The following C14orf132 variants were observed in gnomAD, a reference collection of about 807,000 sequenced individuals.
C14orf132 encodes the protein uncharacterized protein C14orf132.
A neutral mutation model predicts 5.8 loss-of-function variants in C14orf132; 6 were observed. The observed-to-expected ratio is 1.03, with a 90% CI of 0.57 to 2.04. The LOEUF (loss-of-function observed/expected upper bound fraction) is 2.04, where lower values mean the gene tolerates loss of function less well. Among genes scored for constraint, C14orf132 ranks in the 30% most tolerant of loss-of-function variants. C14orf132 has a pLI of 0.00. For missense variants in C14orf132, 125 were observed against 115.8 expected (o/e 1.08, Z -0.37); for synonymous variants, 51 against 49.8 (o/e 1.02, Z -0.10).
rs1390091941 is a variant in C14orf132, at chr14:96,083,399, C to A, written c.28-3112C>A. On this transcript the variant is annotated intron_variant, in intron 1 of 1. Coordinates refer to ENST00000555004, the MANE Select transcript of C14orf132 (RefSeq NM_001252507.3). ...CCCACCAAGGATGTCCACGTCCTAA[C>A]CCCTAGAACCTGTGGATGGATTACC... is the stretch of plus-strand genomic sequence containing the variant. Among the ~76,000 whole-genome samples the A allele has an allele frequency of 2.0e-5, 3 of 152,268 alleles. No individual in the cohort carries two copies. In the East Asian group the frequency reaches 5.8e-4, roughly 29 times the overall value.
At chr14:96,049,372 G>A (rs766157351) in intron 1 of C14orf132, among the ~76,000 whole-genome samples, 69 of 148,676 alleles carry the variant, frequency 4.6e-4, no homozygotes, top group Admixed American at 1.3e-3. Context: ...ACAGAGTCTC[G>A]CTCTGTCGCC....
chr14:96,040,661 A>G (rs1447966773), intron 1 of C14orf132, among the ~76,000 whole-genome samples: 11 of 152,096 alleles, frequency 7.2e-5, no homozygotes, highest in Non-Finnish European at 1.2e-4. Context: ...GGAAGCCCCA[A>G]GTTAGTTCTG....
intron 1 of C14orf132, among the ~76,000 whole-genome samples, chr14:96,053,956 A>G (rs139759958): frequency 1.2e-3 from 184 of 152,260 alleles, no homozygotes; most frequent in African/African-American, 4.3e-3. Flanking sequence ...GGAGACCCTC[A>G]GGGCTAATGC....
intron 1 of C14orf132, among the ~76,000 whole-genome samples, chr14:96,083,112 G>A (rs1888078098): frequency 6.6e-6 from 1 of 152,218 alleles, no homozygotes. Context: ...CCTGTCCCAC[G>A]GCTGGGAGCT....
chr14:96,065,995 G>A (rs140221160), intron 1 of C14orf132, among the ~76,000 whole-genome samples: 2,938 of 152,208 alleles, frequency 0.019, 41 homozygotes, highest in Non-Finnish European at 0.03. Context: ...AGTGAAAGTG[G>A]CCTGAACTTC....
At chr14:96,050,333 T>C (rs2139648012) in intron 1 of C14orf132, among the ~76,000 whole-genome samples, 1 of 152,314 alleles carries the variant, frequency 6.6e-6, no homozygotes, top group African/African-American at 2.4e-5. Context: ...AATCTAAGAG[T>C]AATTATTCCC....
In C14orf132 at chr14:96,090,817, T is replaced by A. The variant is rs535788801; in HGVS notation, c.*4082T>A. The A allele has an allele frequency of 6.6e-6, 3 of 455,962 alleles. No homozygotes were observed. The highest frequency in any genetic ancestry group is 1.3e-5 in the Non-Finnish European group (3 of 226,810). 28.2% of individuals were successfully genotyped at this position (455,962 alleles called of 1,614,324 possible). A position where few individuals can be genotyped will look rare whatever the true frequency, so the allele number is the denominator to read the frequency against. ...CCACTCTGGCGTCTCCTGAAGTGGG[T>A]CCCTGGAGACCGAAGAGGCTCAGTG... On this transcript the variant is annotated 3_prime_UTR_variant, in exon 2 of 2. Transcript: ENST00000555004.
intron 1 of C14orf132, among the ~76,000 whole-genome samples, chr14:96,069,181 A>ATATATATATATATATATATG (rs1474201408): frequency 1.2e-4 from 13 of 109,004 alleles, no homozygotes; most frequent in Admixed American, 9.8e-4. Context: ...ATATATATGT[A>ATATATATATATATATATATG]TATATATATA....
At chr14:96,044,316 G>A (rs1418628806) in intron 1 of C14orf132, among the ~76,000 whole-genome samples, 1 of 152,210 alleles carries the variant, frequency 6.6e-6, no homozygotes, top group Non-Finnish European at 1.5e-5. Context: ...TGGGGCTACA[G>A]GCACATGCCA....
rs899167968 is a variant in C14orf132, at chr14:96,086,556, T to C, written c.73T>C (p.Phe25Leu). 14 of 1,536,098 alleles carry C rather than the reference T, an allele frequency of 9.1e-6. No homozygotes were observed. The African/African-American group carries it at 1.9e-4, about 21-fold the overall frequency. ...TTTCATGGACTCGCCCAACGAGGACTTCAGCACCGAGTACTCCCTGTTTAA... is the reference window on the plus strand; with the variant it reads ...TTTCATGGACTCGCCCAACGAGGACCTCAGCACCGAGTACTCCCTGTTTAA... ...GAFMDSPNEDFSTEYSLFNSS... is the reference protein window; with the variant it reads ...GAFMDSPNEDLSTEYSLFNSS... The change falls in exon 2 of 2, where the codon TTC (phenylalanine) becomes CTC (leucine). Residue 25 changes from phenylalanine (F) to leucine (L), a missense_variant. Phe to Leu is a conservative substitution (Grantham distance 22, BLOSUM62 0). Transcript: ENST00000555004.
intron 1 of C14orf132, among the ~76,000 whole-genome samples, chr14:96,059,643 G>A (rs931770888): frequency 2.6e-5 from 4 of 152,146 alleles, no homozygotes; most frequent in Non-Finnish European, 4.4e-5. Flanking sequence ...TGCTGGGGGG[G>A]CCCTAGCTGG....
At position 96,091,194 on chromosome 14, in the gene C14orf132, C is replaced by T. The variant is rs1566840828; in HGVS notation, c.*4459C>T. On this transcript the variant is annotated 3_prime_UTR_variant, in exon 2 of 2. Transcript: ENST00000555004. ...TGCATCATGCCCACCAGGGTGATCC[C>T]CCTGGGATGGACCATCTCGGGATAT... 3 of 366,288 alleles carry T rather than the reference C, an allele frequency of 8.2e-6. 1 individual carries two copies. Among genetic ancestry groups the T allele is most frequent in the South Asian group, 4.1e-5 (2 of 48,198 alleles). The allele number at this position is 366,288 out of a possible 1,614,324, so 22.7% of individuals were successfully genotyped here. A position where few individuals can be genotyped will look rare whatever the true frequency, so the allele number is the denominator to read the frequency against.
chr14:96,057,196 C>G (rs986270638), intron 1 of C14orf132, among the ~76,000 whole-genome samples: 1 of 152,176 alleles, frequency 6.6e-6, no homozygotes, highest in East Asian at 1.9e-4. Flanking sequence ...AGGGCTTAAC[C>G]CCCTCATGAA....
rs998030830 is a variant in C14orf132, at chr14:96,093,763, C to T, written c.*7028C>T. The T allele has an allele frequency of 2.0e-5, 3 of 152,218 alleles. No homozygotes were observed. Among genetic ancestry groups the T allele is most frequent in the Non-Finnish European group, 4.4e-5 (3 of 68,048 alleles). The allele number at this position is 152,218 out of a possible 1,614,324, so 9.4% of individuals were successfully genotyped here. A position where few individuals can be genotyped will look rare whatever the true frequency, so the allele number is the denominator to read the frequency against. On this transcript the variant is annotated 3_prime_UTR_variant, in exon 2 of 2. Coordinates refer to ENST00000555004, the MANE Select transcript of C14orf132 (RefSeq NM_001252507.3). ...TCTTAATAAAGGATTTCGCTGTGCTCTTTTGATTAAAAATATCTAACCTTA... is the reference window on the plus strand; with the variant it reads ...TCTTAATAAAGGATTTCGCTGTGCTTTTTTGATTAAAAATATCTAACCTTA...
chr14:96,058,255 C>T (rs950497670), intron 1 of C14orf132, among the ~76,000 whole-genome samples: 2 of 152,272 alleles, frequency 1.3e-5, no homozygotes, highest in Non-Finnish European at 2.9e-5. Context: ...AACTTACTCA[C>T]AAACACAACT....
At chr14:96,065,613 A>T (rs1200920157) in intron 1 of C14orf132, among the ~76,000 whole-genome samples, 4 of 138,652 alleles carry the variant, frequency 2.9e-5, no homozygotes, top group Non-Finnish European at 6.2e-5. Flanking sequence ...TAGGGATTAC[A>T]TAGTTTTTTT....
intron 1 of C14orf132, among the ~76,000 whole-genome samples, chr14:96,076,186 A>G (rs995569168): frequency 1.3e-5 from 2 of 152,162 alleles, no homozygotes; most frequent in African/African-American, 4.8e-5. Flanking sequence ...TACATTGTCA[A>G]ACCTATGGGT....
intron 1 of C14orf132, among the ~76,000 whole-genome samples, chr14:96,068,694 G>A (rs1177233592): frequency 1.3e-5 from 2 of 152,156 alleles, no homozygotes; most frequent in Non-Finnish European, 2.9e-5. Flanking sequence ...CCTGGCTTCT[G>A]TGCAAAGTTC....
At chr14:96,046,153 TG>T (rs1237202442) in intron 1 of C14orf132, among the ~76,000 whole-genome samples, 2 of 152,166 alleles carry the variant, frequency 1.3e-5, no homozygotes, top group African/African-American at 2.4e-5. Context: ...AGTCCCAGAA[TG>T]TCATTAACAC....
Sources: gnomAD v4.1 joint callset for allele counts (sites outside exome capture counted in the v4.1 genomes callset) on GRCh38, gnomAD v4.1.1 for gene constraint, MANE v1.5 for transcripts, NCBI Gene and HGNC (gene_info 2026-07-23, HGNC 2026-07-21) for gene names.